Variants in LINC00632 observed in about 807,000 individuals in gnomAD.
The protein encoded by LINC00632 is long independently transcribed non-coding RNA 632, also known as ALDOA related specific transcript.
chrX:140,761,042 A>G (rs1254490518), intron 3 of LINC00632, among the ~76,000 whole-genome samples: 1 of 112,545 alleles, frequency 8.9e-6, no homozygotes, highest in Non-Finnish European at 1.9e-5. Flanking sequence ...GTAACACTAA[A>G]ATATTGTCCC....
At chrX:140,756,521 G>A (rs1365632414) in intron 3 of LINC00632, among the ~76,000 whole-genome samples, 1 of 111,646 alleles carries the variant, frequency 9.0e-6, no homozygotes, top group African/African-American at 3.3e-5. Flanking sequence ...GCAGGAACTT[G>A]CAAGTGTATC....
intron 3 of LINC00632, among the ~76,000 whole-genome samples, chrX:140,740,817 A>G (rs1931214187): frequency 8.9e-6 from 1 of 112,097 alleles, no homozygotes. Flanking sequence ...CCAATTATGT[A>G]GCTGATTCCA....
exon 5 of LINC00632, among the ~76,000 whole-genome samples, chrX:140,789,629 T>G (rs148080360): frequency 0.014 from 1,616 of 112,356 alleles, 31 homozygotes; most frequent in African/African-American, 0.049. Context: ...GCTATTATTT[T>G]TGACTTTTGT....
intron 3 of LINC00632, among the ~76,000 whole-genome samples, chrX:140,737,043 G>A (rs1330559344): frequency 9.4e-6 from 1 of 106,842 alleles, no homozygotes; most frequent in Non-Finnish European, 1.9e-5. Flanking sequence ...GTGATTATAG[G>A]TGCGAGCCGC....
chrX:140,765,814 C>A (rs1931680829), intron 3 of LINC00632, among the ~76,000 whole-genome samples: 1 of 111,732 alleles, frequency 8.9e-6, no homozygotes, highest in Non-Finnish European at 1.9e-5. Context: ...ACAAGGGGGG[C>A]AAGTAGCTCC....
At chrX:140,711,659 A>G (rs1225683650) in intron 2 of LINC00632, 2 of 309,474 alleles carry the variant, frequency 6.5e-6, no homozygotes, top group Non-Finnish European at 1.3e-5. Context: ...ATCAAATGGT[A>G]TGAAACAATT....
chrX:140,713,658 C>T (rs1454683943), intron 2 of LINC00632: 3 of 342,431 alleles, frequency 8.8e-6, no homozygotes, highest in Admixed American at 6.2e-5. Flanking sequence ...CACTTGCCTT[C>T]CAGTACACAG....
exon 4 of LINC00632, among the ~76,000 whole-genome samples, chrX:140,773,601 ACT>A (rs2148401987): frequency 8.9e-6 from 1 of 111,962 alleles, no homozygotes; most frequent in South Asian, 3.8e-4. Flanking sequence ...TCACTGAGAA[ACT>A]CTTTTTGAAC....
intron 3 of LINC00632, among the ~76,000 whole-genome samples, chrX:140,737,863 T>C: frequency 1.8e-5 from 2 of 112,359 alleles, no homozygotes; most frequent in East Asian, 5.6e-4. Context: ...TCTTTATCCA[T>C]TCATCTGTGG....
At chrX:140,742,122 T>C (rs1396342087) in intron 3 of LINC00632, among the ~76,000 whole-genome samples, 2 of 111,610 alleles carry the variant, frequency 1.8e-5, no homozygotes, top group Non-Finnish European at 3.8e-5. Flanking sequence ...TTACAGTAAA[T>C]AGACTGAATA....
intron 1 of LINC00632, among the ~76,000 whole-genome samples, chrX:140,710,702 C>T (rs774530710): frequency 2.0e-4 from 22 of 108,698 alleles, no homozygotes; most frequent in Non-Finnish European, 3.6e-4. Flanking sequence ...GGCCCTTGAA[C>T]GTGAGGAAAA....
At chrX:140,766,118 G>A (rs73576517) in intron 3 of LINC00632, among the ~76,000 whole-genome samples, 8,617 of 111,554 alleles carry the variant, frequency 0.077, 776 homozygotes, top group African/African-American at 0.27. Context: ...GGGCAGAACG[G>A]TCATTGTCGG....
chrX:140,752,020 A>G (rs959633850), intron 3 of LINC00632, among the ~76,000 whole-genome samples: 6 of 111,496 alleles, frequency 5.4e-5, no homozygotes, highest in South Asian at 3.8e-4. Context: ...TCTTAGGGAC[A>G]GGACACAGTA....
intron 3 of LINC00632, among the ~76,000 whole-genome samples, chrX:140,762,789 A>G (rs961426661): frequency 1.8e-5 from 2 of 112,251 alleles, no homozygotes; most frequent in African/African-American, 6.5e-5. Flanking sequence ...TACACTTGTC[A>G]CAAAATATTC....
At chrX:140,742,901 GAAAGGA>G (rs1931258103) in intron 3 of LINC00632, among the ~76,000 whole-genome samples, 1 of 101,505 alleles carries the variant, frequency 9.9e-6, no homozygotes, top group Non-Finnish European at 2.0e-5. Flanking sequence ...GGAAGGAAAG[GAAAGGA>G]AAAGGGAAAG....
Position 140,762,209 on chromosome X carries a change from A to AAGAGAGAGAGAG in LINC00632, n.192-9846_192-9835dup, listed in dbSNP as rs35880613. Among the ~76,000 whole-genome samples the AAGAGAGAGAGAG allele has an allele frequency of 5.7e-3, 384 of 67,122 alleles. 2 individuals are homozygous for AAGAGAGAGAGAG. The highest frequency in any genetic ancestry group is 0.014 in the African/African-American group (270 of 19,400). 58.3% of individuals were successfully genotyped at this position (67,122 alleles called of 115,157 possible). A position where few individuals can be genotyped will look rare whatever the true frequency, so the allele number is the denominator to read the frequency against. On this transcript the variant is annotated intron_variant and non_coding_transcript_variant, in intron 3 of 4. Transcript: ENST00000648200. ...ATAGCGACCTCGTCAGTTTTTCGAA[A>AAGAGAGAGAGAG]AGAGAGAGAGAGAGAGAGAGAGAGA...
intron 2 of LINC00632, among the ~76,000 whole-genome samples, chrX:140,722,520 A>C (rs1256708751): frequency 1.8e-5 from 2 of 111,210 alleles, no homozygotes; most frequent in African/African-American, 6.5e-5. Flanking sequence ...GACTCGCCTC[A>C]TAGCACAAGT....
chrX:140,769,767 T>A (rs1931759510), intron 3 of LINC00632, among the ~76,000 whole-genome samples: 1 of 110,838 alleles, frequency 9.0e-6, no homozygotes, highest in Non-Finnish European at 1.9e-5. Flanking sequence ...TACCCAGCAA[T>A]TTCGTGCCTC....
rs200073148 is a variant in LINC00632 at position 140,761,583 on chromosome X, C to CT, written n.192-10493dup. Among the ~76,000 whole-genome samples the CT allele has an allele frequency of 3.5e-3, 398 of 112,802 alleles. 2 individuals carry two copies. The highest frequency in any genetic ancestry group is 0.034 in the Admixed American group (359 of 10,662). ...CTGAATTGGAAAAATTATTGTATGT[C>CT]TTAATCAGAAAAGGATTTAGGGTAG... On this transcript the variant is annotated intron_variant and non_coding_transcript_variant, in intron 3 of 4. Transcript: ENST00000648200.
Sources: allele counts gnomAD v4.1 joint callset (sites outside exome capture counted in the v4.1 genomes callset), GRCh38; gene constraint gnomAD v4.1.1; transcripts MANE v1.5; gene names NCBI Gene and HGNC (gene_info 2026-07-23, HGNC 2026-07-21).